USP32: variants seen among roughly 807,000 people sequenced by gnomAD.
USP32 encodes the protein ubiquitin carboxyl-terminal hydrolase 32.
Under a neutral mutation model 204.8 loss-of-function variants are expected in USP32, and 59 were observed. The ratio of observed to expected loss-of-function variants is 0.29; its 90% CI spans 0.23 to 0.36. The LOEUF is 0.36. Ranked by LOEUF, USP32 falls within the 10% of genes least tolerant of loss-of-function variation. USP32 has a pLI of 1.00. For missense variants in USP32, 1,160 were observed against 1,946.4 expected, an observed-to-expected ratio of 0.60 and a Z score of 7.60; for synonymous variants, 517 against 678.4, an observed-to-expected ratio of 0.76 and a Z score of 3.70.
At chr17:60,210,338 G>GTAA (rs1478208418) in intron 21 of USP32, among the ~76,000 whole-genome samples, 1 of 150,842 alleles carries the variant, frequency 6.6e-6, no homozygotes, top group Admixed American at 6.6e-5. Context: ...TGGAGACAGA[G>GTAA]TCTTACTCTG....
At chr17:60,381,596 T>C (rs1567887310) in intron 1 of USP32, among the ~76,000 whole-genome samples, 1 of 152,230 alleles carries the variant, frequency 6.6e-6, no homozygotes, top group South Asian at 2.1e-4. Context: ...GTATGCCCTA[T>C]GGTTTGAAGT....
chr17:60,293,258 A>G (rs1015246839), intron 4 of USP32, among the ~76,000 whole-genome samples: 3 of 152,170 alleles, frequency 2.0e-5, no homozygotes, highest in Admixed American at 6.5e-5. Flanking sequence ...CTTAGTTTCC[A>G]TCTACAAAAA....
chr17:60,221,318 T>G (rs548075356), intron 15 of USP32, among the ~76,000 whole-genome samples: 6 of 152,046 alleles, frequency 3.9e-5, no homozygotes, highest in Admixed American at 3.9e-4. Context: ...GTTCAAACCC[T>G]GGAGCTTGAG....
intron 9 of USP32, among the ~76,000 whole-genome samples, chr17:60,263,675 A>C (rs1338368255): frequency 6.6e-6 from 1 of 152,228 alleles, no homozygotes. Context: ...GGCATTTTCT[A>C]ACAGAAACTT....
intron 1 of USP32, among the ~76,000 whole-genome samples, chr17:60,358,076 C>T (rs1457571922): frequency 6.6e-6 from 1 of 152,066 alleles, no homozygotes; most frequent in Non-Finnish European, 1.5e-5. Context: ...GCCCTAGATA[C>T]ATTTTTAAAT....
chr17:60,350,261 C>T (rs1468523669), intron 1 of USP32, among the ~76,000 whole-genome samples: 1 of 151,920 alleles, frequency 6.6e-6, no homozygotes, highest in East Asian at 1.9e-4. Context: ...GCAATCCACT[C>T]GCCTTGGCCT....
chr17:60,402,955 G>T (rs894525866), intron 1 of USP32, among the ~76,000 whole-genome samples: 2 of 152,122 alleles, frequency 1.3e-5, no homozygotes, highest in Non-Finnish European at 2.9e-5. Flanking sequence ...TTCCAAAGGT[G>T]AGCATCCTGA....
intron 2 of USP32, among the ~76,000 whole-genome samples, chr17:60,320,776 G>A (rs2088094546): frequency 6.6e-6 from 1 of 152,022 alleles, no homozygotes; most frequent in African/African-American, 2.4e-5. Context: ...TTTCAGAAAG[G>A]GTAATAAGCA....
intron 1 of USP32, among the ~76,000 whole-genome samples, chr17:60,358,619 C>A (rs1485538759): frequency 6.6e-6 from 1 of 152,028 alleles, no homozygotes; most frequent in Non-Finnish European, 1.5e-5. Context: ...GTCCTCTGTG[C>A]TTCAAGAATA....
intron 23 of USP32, 49 bp downstream of exon 23, chr17:60,208,605 A>G (rs2084889876): frequency 2.7e-6 from 4 of 1,456,672 alleles, no homozygotes; most frequent in Non-Finnish European, 2.7e-6. Flanking sequence ...CTATTTAAAT[A>G]AAGTAAATTT....
intron 1 of USP32, among the ~76,000 whole-genome samples, chr17:60,406,156 C>CAA (rs35763642): frequency 3.8e-3 from 169 of 44,036 alleles, no homozygotes; most frequent in East Asian, 9.3e-3. Context: ...GACCTTGTCT[C>CAA]AAAAAAAAAA....
intron 3 of USP32, among the ~76,000 whole-genome samples, chr17:60,297,919 G>C (rs577388297): frequency 1.3e-5 from 2 of 152,294 alleles, no homozygotes; most frequent in African/African-American, 4.8e-5. Flanking sequence ...GACTGGACAA[G>C]AGAGCTATTT....
At chr17:60,242,564 C>A (rs1016807533) in intron 11 of USP32, among the ~76,000 whole-genome samples, 7 of 152,134 alleles carry the variant, frequency 4.6e-5, no homozygotes, top group Non-Finnish European at 1.0e-4. Context: ...TCGTGTGCCA[C>A]CATGCCTGGC....
intron 9 of USP32, among the ~76,000 whole-genome samples, chr17:60,255,664 ACTAGTT>A (rs933124258): frequency 2.0e-5 from 3 of 152,202 alleles, no homozygotes; most frequent in African/African-American, 7.2e-5. Context: ...CAGAAGGTAA[ACTAGTT>A]CAAGTTCGTT....
chr17:60,366,611 C>T (rs1034947276), intron 1 of USP32, among the ~76,000 whole-genome samples: 8 of 151,950 alleles, frequency 5.3e-5, no homozygotes, highest in Non-Finnish European at 8.8e-5. Context: ...ACATTTAGAA[C>T]TAAAATAAGC....
At chr17:60,252,723 C>T (rs1338736444) in intron 10 of USP32, among the ~76,000 whole-genome samples, 1 of 152,120 alleles carries the variant, frequency 6.6e-6, no homozygotes, top group African/African-American at 2.4e-5. Context: ...GACATTACCT[C>T]AGGAACAGAT....
intron 5 of USP32, among the ~76,000 whole-genome samples, chr17:60,284,128 C>T (rs929991724): frequency 6.6e-6 from 1 of 151,396 alleles, no homozygotes; most frequent in African/African-American, 2.4e-5. Flanking sequence ...AGAAAACAAT[C>T]ATTAGGAATT....
intron 9 of USP32, among the ~76,000 whole-genome samples, chr17:60,263,641 G>T (rs2086511220): frequency 6.6e-6 from 1 of 152,136 alleles, no homozygotes; most frequent in South Asian, 2.1e-4. Context: ...GAAAAAAGGT[G>T]TTCAAAATTT....
At chr17:60,280,081 T>C (rs73318812) in intron 5 of USP32, among the ~76,000 whole-genome samples, 10,181 of 151,666 alleles carry the variant, frequency 0.067, 1,203 homozygotes, top group African/African-American at 0.23. Flanking sequence ...CTTGGGTAAA[T>C]TGAGTAAGTT....
Sources: allele counts gnomAD v4.1 joint callset (sites outside exome capture counted in the v4.1 genomes callset), GRCh38; gene constraint gnomAD v4.1.1; transcripts MANE v1.5; gene names NCBI Gene and HGNC (gene_info 2026-07-23, HGNC 2026-07-21).